The following ZBTB20 variants were observed in gnomAD, a reference collection of about 807,000 sequenced individuals.
ZBTB20 encodes the protein zinc finger and BTB domain-containing protein 20.
Under a neutral mutation model 56.9 loss-of-function variants are expected in ZBTB20, and 9 were observed. The observed-to-expected ratio is 0.16, with a 90% CI of 0.10 to 0.28. The LOEUF (loss-of-function observed/expected upper bound fraction) is 0.28, where lower values mean the gene tolerates loss of function less well. ZBTB20 is among the 10% of genes least tolerant of loss of function. ZBTB20 has a pLI of 1.00. For missense variants in ZBTB20, 655 were observed against 1,003.0 expected (o/e 0.65, Z 4.69); for synonymous variants, 417 against 420.7 (o/e 0.99, Z 0.11).
chr3:114,774,377 C>G (rs1235420273), intron 5 of ZBTB20, among the ~76,000 whole-genome samples: 1 of 152,138 alleles, frequency 6.6e-6, no homozygotes, highest in African/African-American at 2.4e-5. Flanking sequence ...CTTTTGTCTT[C>G]CATGGAGGCC....
intron 7 of ZBTB20, among the ~76,000 whole-genome samples, chr3:114,495,016 C>T (rs545537434): frequency 4.6e-5 from 7 of 152,306 alleles, no homozygotes; most frequent in African/African-American, 1.7e-4. Context: ...ATCAGTTTTA[C>T]ATGAAACTTT....
intron 8 of ZBTB20, chr3:114,387,864 C>A (rs2108603642): frequency 6.6e-6 from 1 of 152,346 alleles, no homozygotes; most frequent in East Asian, 1.9e-4. Context: ...CCTATTAGTA[C>A]TATAGAACAC....
intron 6 of ZBTB20, among the ~76,000 whole-genome samples, chr3:114,545,065 C>A (rs2049703837): frequency 6.6e-6 from 1 of 152,162 alleles, no homozygotes; most frequent in Admixed American, 6.6e-5. Context: ...CACACCTCTT[C>A]TTTCTTCCTG....
chr3:114,978,305 A>G (rs1208482920), intron 2 of ZBTB20, among the ~76,000 whole-genome samples: 3 of 148,582 alleles, frequency 2.0e-5, no homozygotes, highest in Non-Finnish European at 3.0e-5. Flanking sequence ...ATTACTATTT[A>G]TTATTAAATA....
intron 6 of ZBTB20, among the ~76,000 whole-genome samples, chr3:114,641,642 A>C (rs2059567683): frequency 6.6e-6 from 1 of 151,700 alleles, no homozygotes; most frequent in South Asian, 2.1e-4. Flanking sequence ...TTACTAGCTA[A>C]ATTTTAAAAA....
chr3:114,323,024 T>C lies in ZBTB20; in HGVS notation c.*15981A>G, dbSNP rs749169852. 2.0e-5 allele frequency: 3 copies of C among 152,202 alleles called. No homozygotes were observed. Among genetic ancestry groups the C allele is most frequent in the African/African-American group, 4.8e-5 (2 of 41,454 alleles). 9.4% of individuals were successfully genotyped at this position (152,202 alleles called of 1,614,324 possible). A position where few individuals can be genotyped will look rare whatever the true frequency, so the allele number is the denominator to read the frequency against. On this transcript the variant is annotated 3_prime_UTR_variant, in exon 12 of 12. Transcript: ENST00000675478. ...TGCCAGAACCTTCAAAACTGTCACT[T>C]TGAGTTCCAGAAGAGTCCTTCAGCA... is the stretch of plus-strand genomic sequence containing the variant.
rs1249850160 is a variant in ZBTB20, at chr3:114,325,885, G to T, written c.*13120C>A. ...TACAATTTCCTTTTTTAAAAAAATA[G>T]TTTCTAATTTGTTTTTTCCTTCTTT... On this transcript the variant is annotated 3_prime_UTR_variant, in exon 12 of 12. Transcript: ENST00000675478. 1.3e-5 allele frequency: 2 copies of T among 152,118 alleles called. No individual in the cohort carries two copies. Among genetic ancestry groups the T allele is most frequent in the African/African-American group, 4.8e-5 (2 of 41,442 alleles). 9.4% of individuals were successfully genotyped at this position (152,118 alleles called of 1,614,324 possible).
intron 2 of ZBTB20, among the ~76,000 whole-genome samples, chr3:115,047,680 A>G (rs912327928): frequency 1.3e-5 from 2 of 152,214 alleles, no homozygotes; most frequent in African/African-American, 4.8e-5. Context: ...AAACATATTA[A>G]CCCGGACATA....
At chr3:114,485,110 T>A (rs1305761408) in intron 7 of ZBTB20, among the ~76,000 whole-genome samples, 1 of 152,190 alleles carries the variant, frequency 6.6e-6, no homozygotes, top group African/African-American at 2.4e-5. Context: ...TTTCCCTGGA[T>A]CCGCATGCTG....
rs2079256655 is a variant in ZBTB20 at position 114,331,561 on chromosome 3, T to C, written c.*7444A>G. On this transcript the variant is annotated 3_prime_UTR_variant, in exon 12 of 12. Transcript: ENST00000675478. ...GGGCACACACACTTCCAGATGACAA[T>C]AAGTATATACACAAACACACACATG... is the stretch of plus-strand genomic sequence containing the variant. 1 of 152,116 alleles carries C rather than the reference T, an allele frequency of 6.6e-6. No homozygotes were observed. The allele number at this position is 152,116 out of a possible 1,614,324, so 9.4% of individuals were successfully genotyped here.
intron 5 of ZBTB20, among the ~76,000 whole-genome samples, chr3:114,748,552 C>CT (rs1278405707): frequency 6.6e-6 from 1 of 152,032 alleles, no homozygotes; most frequent in Non-Finnish European, 1.5e-5. Context: ...CTAGTCTACA[C>CT]TAACTCTCAG....
At chr3:114,910,543 C>CA (rs2107706153) in intron 3 of ZBTB20, among the ~76,000 whole-genome samples, 1 of 151,664 alleles carries the variant, frequency 6.6e-6, no homozygotes, top group African/African-American at 2.4e-5. Flanking sequence ...ACAAGCTAGC[C>CA]AAAAGACACT....
At chr3:114,427,024 G>A (rs575023869) in intron 7 of ZBTB20, among the ~76,000 whole-genome samples, 5 of 152,192 alleles carry the variant, frequency 3.3e-5, no homozygotes, top group South Asian at 4.1e-4. Flanking sequence ...TCTGTCAACC[G>A]CTATGCACAT....
At chr3:114,895,213 A>G (rs984692509) in intron 4 of ZBTB20, among the ~76,000 whole-genome samples, 1 of 152,172 alleles carries the variant, frequency 6.6e-6, no homozygotes, top group African/African-American at 2.4e-5. Flanking sequence ...TCAAGAAAAA[A>G]TAAAACCTTA....
At chr3:114,506,130 A>G (rs1050058244) in intron 6 of ZBTB20, among the ~76,000 whole-genome samples, 12 of 152,140 alleles carry the variant, frequency 7.9e-5, no homozygotes, top group Admixed American at 7.2e-4. Flanking sequence ...ATGGTCATAC[A>G]TATCTTGGGG....
intron 2 of ZBTB20, among the ~76,000 whole-genome samples, chr3:115,042,287 G>GA (rs531825615): frequency 6.6e-6 from 1 of 152,148 alleles, no homozygotes; most frequent in Admixed American, 6.5e-5. Flanking sequence ...CATCAGGGAA[G>GA]AAAAATGCCA....
Position 114,844,330 on chromosome 3 carries a change from A to AATATATATATATAT in ZBTB20, c.-416-43170_-416-43157dup, listed in dbSNP as rs71146341. On this transcript the variant is annotated intron_variant, in intron 4 of 11. Coordinates refer to ENST00000675478, the MANE Select transcript of ZBTB20 (RefSeq NM_001348800.3). ...GTTGCATAAGAAAATTACTGGAGTA[A>AATATATATATATAT]ATATATATATATATATATATATATA... 3.6e-3 allele frequency among the ~76,000 whole-genome samples: 355 copies of AATATATATATATAT among 99,118 alleles called. 5 individuals carry two copies. Among genetic ancestry groups the AATATATATATATAT allele is most frequent in the African/African-American group, 7.0e-3 (117 of 16,722 alleles). 65.0% of individuals were successfully genotyped at this position (99,118 alleles called of 152,430 possible).
Position 114,753,986 on chromosome 3 carries a change from C to T in ZBTB20, c.-343+47115G>A, listed in dbSNP as rs189184052. Among the ~76,000 whole-genome samples, 505 of 152,268 alleles carry T rather than the reference C, an allele frequency of 3.3e-3. 4 individuals carry two copies. The highest frequency in any genetic ancestry group is 0.011 in the African/African-American group (476 of 41,562). On this transcript the variant is annotated intron_variant, in intron 5 of 11. Coordinates refer to ENST00000675478, the MANE Select transcript of ZBTB20 (RefSeq NM_001348800.3). The stretch of plus-strand genomic sequence containing the variant: ...AAGGTTTCCAGGAAAACTTCAATCA[C>T]CAATGAAACTGCAAGCTCTTGTCAT...
intron 4 of ZBTB20, among the ~76,000 whole-genome samples, chr3:114,888,356 C>T (rs2107617621): frequency 6.6e-6 from 1 of 152,142 alleles, no homozygotes; most frequent in East Asian, 1.9e-4. Flanking sequence ...GTTGAGACTG[C>T]AGTGAGCCAT....
Sources: gnomAD v4.1 joint callset for allele counts (sites outside exome capture counted in the v4.1 genomes callset) on GRCh38, gnomAD v4.1.1 for gene constraint, MANE v1.5 for transcripts, NCBI Gene and HGNC (gene_info 2026-07-23, HGNC 2026-07-21) for gene names.